The following CATSPERG variants were observed in gnomAD, a reference collection of about 807,000 sequenced individuals.
CATSPERG encodes cation channel sperm-associated auxiliary subunit gamma.
CATSPERG carries 115 observed loss-of-function variants against 145.0 expected under a neutral mutation model. That is an observed-to-expected ratio of 0.79 (90% CI 0.68 to 0.93). The LOEUF is 0.93. Ranked by LOEUF, CATSPERG falls within the 40% of genes least tolerant of loss-of-function variation. CATSPERG has a pLI of 0.00. For synonymous variants in CATSPERG, 588 were observed against 589.0 expected (o/e 1.00, Z 0.02); for missense variants, 1,296 against 1,490.1 (o/e 0.87, Z 2.14).
intron 6 of CATSPERG, among the ~76,000 whole-genome samples, chr19:38,345,684 T>G (rs1970030243): frequency 1.3e-5 from 2 of 151,778 alleles, no homozygotes; most frequent in African/African-American, 4.8e-5. Flanking sequence ...TTTTTTTTTT[T>G]TTGTATTTTT....
chr19:38,351,694 C>CACAG (rs1392313687), intron 7 of CATSPERG, among the ~76,000 whole-genome samples: 5 of 152,030 alleles, frequency 3.3e-5, no homozygotes, highest in Admixed American at 2.0e-4. Flanking sequence ...ATTGCTTGAG[C>CACAG]ACAGGAGTTC....
rs1236516759 is a variant in CATSPERG, at chr19:38,362,588, C to G, written c.2356+14C>G. 6.2e-7 allele frequency: 1 copy of G among 1,613,332 alleles called. No individual in the cohort carries two copies. The highest frequency in any genetic ancestry group is 1.1e-5 in the South Asian group (1 of 91,072). ...AGTCAGAACTCGGTCTGCGCGGGAC[C>G]AGAGTGGAGCCCGAAGGGCGGGGCG... On this transcript the variant is annotated intron_variant, in intron 19 of 28. Coordinates refer to ENST00000409235, the MANE Select transcript of CATSPERG (RefSeq NM_021185.5).
chr19:38,368,962 T>A (rs1365789405), intron 26 of CATSPERG, among the ~76,000 whole-genome samples: 2 of 152,138 alleles, frequency 1.3e-5, no homozygotes, highest in Non-Finnish European at 2.9e-5. Context: ...CATGCCCGGT[T>A]AATTTTTGTA....
intron 7 of CATSPERG, among the ~76,000 whole-genome samples, chr19:38,347,856 G>A (rs368591264): frequency 6.6e-6 from 1 of 151,500 alleles, no homozygotes; most frequent in African/African-American, 2.4e-5. Context: ...CTGGAGAATC[G>A]CTTGAACCTG....
intron 21 of CATSPERG, 29 bp from the exon 22 acceptor site, chr19:38,365,032 T>A (rs1970424519): frequency 1.2e-6 from 2 of 1,613,732 alleles, no homozygotes; most frequent in African/African-American, 1.3e-5. Context: ...CCGGCGGGGA[T>A]CACCATCTTC....
intron 28 of CATSPERG, 49 bp downstream of exon 28, chr19:38,370,307 C>T (rs76234579): frequency 0.012 from 17,756 of 1,539,700 alleles, 260 homozygotes; most frequent in East Asian, 0.076. Flanking sequence ...GGGGCCCACG[C>T]CTCCATACCT....
chr19:38,345,985 G>A (rs1202928959), intron 6 of CATSPERG, among the ~76,000 whole-genome samples: 2 of 152,192 alleles, frequency 1.3e-5, no homozygotes, highest in African/African-American at 4.8e-5. Flanking sequence ...TGGCAAACCG[G>A]CAAACTGGTA....
intron 1 of CATSPERG, 180 bp from the exon 2 acceptor site, chr19:38,337,041 G>GCAGGGC: frequency 1.4e-6 from 1 of 711,840 alleles, no homozygotes; most frequent in Non-Finnish European, 2.3e-6. Context: ...CCGTGCGGGG[G>GCAGGGC]CAGGGCCAGG....
intron 11 of CATSPERG, among the ~76,000 whole-genome samples, chr19:38,357,691 C>T (rs1447006065): frequency 6.6e-6 from 1 of 152,208 alleles, no homozygotes; most frequent in Non-Finnish European, 1.5e-5. Context: ...GCGGCTCACG[C>T]CTGTAATCCC....
rs910429435 is a variant in CATSPERG at position 38,337,588 on chromosome 19, T to A, written c.271-5T>A. ...CTGGACGTGTGGCCTAACCTCTCTT[T>A]GCAGAAATACCTGGGCTTCCCTTAC... On this transcript the variant is annotated splice_region_variant and splice_polypyrimidine_tract_variant and intron_variant, in intron 2 of 28. Coordinates refer to ENST00000409235, the MANE Select transcript of CATSPERG (RefSeq NM_021185.5). 2 of 1,551,794 alleles carry A rather than the reference T, an allele frequency of 1.3e-6. No homozygotes were observed. The highest frequency in any genetic ancestry group is 3.9e-5 in the Admixed American group (2 of 51,002).
intron 22 of CATSPERG, chr19:38,366,425 G>A (rs1162840863): frequency 6.6e-6 from 1 of 152,504 alleles, no homozygotes; most frequent in Non-Finnish European, 1.5e-5. Flanking sequence ...TTGCATCAGG[G>A]TGGGCAAGGG....
chr19:38,367,537 T>C lies in CATSPERG; in HGVS notation c.2799T>C (p.Asp933=). 1.2e-6 allele frequency: 2 copies of C among 1,614,032 alleles called. No homozygotes were observed. Among genetic ancestry groups the C allele is most frequent in the Non-Finnish European group, 1.7e-6 (2 of 1,180,008 alleles). Residue 933 remains aspartate, a synonymous_variant, in exon 24 of 29, where the codon GAT becomes GAC. Coordinates refer to ENST00000409235, the MANE Select transcript of CATSPERG (RefSeq NM_021185.5). The stretch of plus-strand genomic sequence containing the variant: ...TCTACCCCTTCTTCTTGATTCAAGA[T>C]TTGGTGACAGGAGACTCCGGCAGTT... The part of the protein sequence containing the change: ...DIFYPFFLIQ[D]LVTGDSGSFQ...
chr19:38,351,978 G>A (rs1050155484), intron 7 of CATSPERG, among the ~76,000 whole-genome samples: 2 of 152,168 alleles, frequency 1.3e-5, no homozygotes, highest in Non-Finnish European at 2.9e-5. Context: ...TGTAGCCAAG[G>A]GCACAAGGAC....
intron 16 of CATSPERG, among the ~76,000 whole-genome samples, 199 bp from the exon 17 acceptor site, chr19:38,361,449 C>T (rs1483459651): frequency 6.6e-6 from 1 of 151,852 alleles, no homozygotes; most frequent in Non-Finnish European, 1.5e-5. Context: ...GTAGGGAGGA[C>T]TCTGGTCTCA....
At chr19:38,345,430 T>C (rs1970024648) in intron 6 of CATSPERG, among the ~76,000 whole-genome samples, 2 of 151,950 alleles carry the variant, frequency 1.3e-5, no homozygotes, top group Non-Finnish European at 1.5e-5. Context: ...GGGGCTCAAG[T>C]GATCCGCCTA....
At chr19:38,362,998 G>T (rs1005006999) in intron 20 of CATSPERG, among the ~76,000 whole-genome samples, 166 bp downstream of exon 20, 22 of 149,464 alleles carry the variant, frequency 1.5e-4, no homozygotes, top group Admixed American at 6.1e-4. Flanking sequence ...TCAACCTCCT[G>T]AGTAGCTGGG....
chr19:38,352,522 G>T, intron 8 of CATSPERG, 90 bp downstream of exon 8: 1 of 1,326,784 alleles, frequency 7.5e-7, no homozygotes. Flanking sequence ...ATTGCTGTGG[G>T]TGAGGCATTG....
chr19:38,357,134 A>C (rs946617238), intron 11 of CATSPERG, among the ~76,000 whole-genome samples: 3 of 152,172 alleles, frequency 2.0e-5, no homozygotes, highest in Admixed American at 6.5e-5. Context: ...CAAAACCCCC[A>C]ACCGAGGGGT....
rs778506381 is a variant in CATSPERG, at chr19:38,354,807, G to A, written c.1095G>A (p.Thr365=). 3.2e-5 allele frequency: 52 copies of A among 1,613,986 alleles called. No individual in the cohort carries two copies. Among genetic ancestry groups the A allele is most frequent in the South Asian group, 2.0e-4 (18 of 91,076 alleles). ...NGSEYIMALT[T]GKHEGYVHFG... ...CTGAGTACATAATGGCCCTCACCACGGGCAAGCATGAGGGTTATGTACACT... is the reference window on the plus strand; with the variant it reads ...CTGAGTACATAATGGCCCTCACCACAGGCAAGCATGAGGGTTATGTACACT... Residue 365 remains threonine, a synonymous_variant, in exon 9 of 29, where the codon ACG becomes ACA. Transcript: ENST00000409235.
Sources: allele counts gnomAD v4.1 joint callset (sites outside exome capture counted in the v4.1 genomes callset), GRCh38; gene constraint gnomAD v4.1.1; transcripts MANE v1.5; gene names NCBI Gene and HGNC (gene_info 2026-07-23, HGNC 2026-07-21).